The following XYLT1 variants were observed in gnomAD, a reference collection of about 807,000 sequenced individuals.
The protein encoded by XYLT1 is beta-D-xylosyltransferase 1.
XYLT1 carries 36 observed loss-of-function variants against 91.3 expected under a neutral mutation model. That is an observed-to-expected ratio of 0.39 (90% CI 0.30 to 0.52). The LOEUF is 0.52. XYLT1 is among the 20% of genes least tolerant of loss of function. XYLT1 has a pLI of 0.68. For missense variants in XYLT1, 1,242 were observed against 1,284.5 expected (o/e 0.97, Z 0.51); for synonymous variants, 588 against 532.0 (o/e 1.11, Z -1.45).
intron 2 of XYLT1, among the ~76,000 whole-genome samples, chr16:17,328,548 C>CAAA (rs71373105): frequency 0.073 from 3,665 of 50,534 alleles, 743 homozygotes; most frequent in East Asian, 0.1. Flanking sequence ...GACTCCTTCT[C>CAAA]AAAAAAAAAA....
chr16:17,249,459 A>T (rs1399652998), intron 3 of XYLT1, among the ~76,000 whole-genome samples: 7 of 152,208 alleles, frequency 4.6e-5, no homozygotes, highest in Admixed American at 1.3e-4. Context: ...GGCCCCTGGC[A>T]AGTCTTTCCC....
chr16:17,380,270 A>T (rs1224774267), intron 1 of XYLT1, among the ~76,000 whole-genome samples: 1 of 152,232 alleles, frequency 6.6e-6, no homozygotes, highest in Admixed American at 6.5e-5. Context: ...CCTGGGCGAC[A>T]GACCCAGAAT....
At chr16:17,397,339 A>C (rs1242313869) in intron 1 of XYLT1, among the ~76,000 whole-genome samples, 2 of 152,214 alleles carry the variant, frequency 1.3e-5, no homozygotes, top group Non-Finnish European at 2.9e-5. Flanking sequence ...ATGGGCCCAG[A>C]AACAGTCTGC....
intron 3 of XYLT1, among the ~76,000 whole-genome samples, chr16:17,235,372 C>G (rs1187073067): frequency 6.9e-6 from 1 of 144,002 alleles, no homozygotes; most frequent in Non-Finnish European, 1.5e-5. Context: ...GCTGGGTGAG[C>G]TCTTCTCTCC....
In XYLT1 at chr16:17,138,196, A is replaced by G. The variant is rs1007226997; in HGVS notation, c.1764+159T>C. 48 of 824,420 alleles carry G rather than the reference A, an allele frequency of 5.8e-5. No individual in the cohort carries two copies. The African/African-American group carries it at 5.9e-4, about 10-fold the overall frequency. 51.1% of individuals were successfully genotyped at this position (824,420 alleles called of 1,614,324 possible). A position where few individuals can be genotyped will look rare whatever the true frequency, so the allele number is the denominator to read the frequency against. On this transcript the variant is annotated intron_variant, in intron 8 of 11. Coordinates refer to ENST00000261381, the MANE Select transcript of XYLT1 (RefSeq NM_022166.4). ...CATCCCTGAAGTAAGTGCTCAATAA[A>G]CACTGGCTATTGTTGATACTGTTAA...
chr16:17,152,979 C>T (rs916086941), intron 6 of XYLT1, among the ~76,000 whole-genome samples: 13 of 152,056 alleles, frequency 8.5e-5, no homozygotes, highest in Admixed American at 6.6e-4. Flanking sequence ...TTATAAAGGG[C>T]CCAAAAGAAT....
intron 1 of XYLT1, among the ~76,000 whole-genome samples, chr16:17,404,205 C>A (rs193217460): frequency 7.4e-4 from 113 of 152,272 alleles, no homozygotes; most frequent in African/African-American, 2.1e-3. Flanking sequence ...TGGGACACAG[C>A]GAGCTGAGCA....
chr16:17,127,424 A>G (rs574196958), intron 10 of XYLT1, among the ~76,000 whole-genome samples: 368 of 152,292 alleles, frequency 2.4e-3, no homozygotes, highest in Non-Finnish European at 4.5e-3. Context: ...AATTCAGAGG[A>G]GCAGAAATTC....
intron 5 of XYLT1, chr16:17,193,795 T>C (rs1264748928): frequency 2.0e-5 from 3 of 152,216 alleles, no homozygotes; most frequent in African/African-American, 7.2e-5. Context: ...GATGAAACCA[T>C]TCATCTGCAA....
chr16:17,305,876 C>T (rs1383553596), intron 2 of XYLT1, among the ~76,000 whole-genome samples: 1 of 152,070 alleles, frequency 6.6e-6, no homozygotes, highest in Non-Finnish European at 1.5e-5. Flanking sequence ...CCCCTGACAC[C>T]GCCGTGGTGG....
intron 2 of XYLT1, among the ~76,000 whole-genome samples, chr16:17,266,037 A>G (rs2033798444): frequency 6.6e-6 from 1 of 152,224 alleles, no homozygotes; most frequent in Admixed American, 6.5e-5. Context: ...ACTTCAGCTC[A>G]TTAAAACAAT....
chr16:17,139,411 T>C (rs2030893938), intron 7 of XYLT1, among the ~76,000 whole-genome samples: 1 of 152,078 alleles, frequency 6.6e-6, no homozygotes, highest in African/African-American at 2.4e-5. Context: ...CTGGAGTATA[T>C]GTGCTTGTGT....
intron 1 of XYLT1, among the ~76,000 whole-genome samples, chr16:17,382,464 G>T (rs72781583): frequency 0.31 from 46,563 of 151,766 alleles, 7,806 homozygotes; most frequent in Non-Finnish European, 0.38. Flanking sequence ...TTCTATTTAA[G>T]ATTACTGAAT....
intron 10 of XYLT1, among the ~76,000 whole-genome samples, chr16:17,118,637 C>T (rs11075339): frequency 6.6e-6 from 1 of 151,858 alleles, no homozygotes; most frequent in African/African-American, 2.4e-5. Context: ...CAGCTGTGAC[C>T]CACAGCAATC....
chr16:17,211,140 T>C (rs2032749307), intron 3 of XYLT1, among the ~76,000 whole-genome samples: 3 of 152,136 alleles, frequency 2.0e-5, no homozygotes, highest in Admixed American at 2.0e-4. Context: ...AAGAATAATA[T>C]GGCAGGTGGA....
intron 2 of XYLT1, among the ~76,000 whole-genome samples, chr16:17,272,909 T>A (rs1419293997): frequency 6.6e-6 from 1 of 152,272 alleles, no homozygotes; most frequent in South Asian, 2.1e-4. Context: ...GGTGGCATTG[T>A]CCCTAATGAG....
At chr16:17,127,574 C>CCAT in intron 10 of XYLT1, 92 bp downstream of exon 10, 1 of 1,442,750 alleles carries the variant, frequency 6.9e-7, no homozygotes, top group Non-Finnish European at 9.4e-7. Context: ...CTCTTCTCCT[C>CCAT]CATCTCCAAC....
chr16:17,155,483 C>CA (rs1253308036), intron 6 of XYLT1, among the ~76,000 whole-genome samples: 1 of 152,098 alleles, frequency 6.6e-6, no homozygotes, highest in Non-Finnish European at 1.5e-5. Flanking sequence ...CATTTCCCAC[C>CA]AAAAGAGTTC....
At position 17,132,661 on chromosome 16, in the gene XYLT1, G is replaced by C. The variant is rs117539822; in HGVS notation, c.2027+1812C>G. Among the ~76,000 whole-genome samples the C allele has an allele frequency of 3.0e-3, 451 of 152,310 alleles. 1 individual carries two copies. Among genetic ancestry groups the C allele is most frequent in the Non-Finnish European group, 4.6e-3 (314 of 68,024 alleles). On this transcript the variant is annotated intron_variant, in intron 9 of 11. Coordinates refer to ENST00000261381, the MANE Select transcript of XYLT1 (RefSeq NM_022166.4). Reference sequence around the variant, plus strand: ...CTCATGCCTGTAATCTCAGCACTTAGGGAGGCTGAAGCGGGAGGATTGCCT... The same window carrying C: ...CTCATGCCTGTAATCTCAGCACTTACGGAGGCTGAAGCGGGAGGATTGCCT...
Sources: gnomAD v4.1 joint callset for allele counts (sites outside exome capture counted in the v4.1 genomes callset) on GRCh38, gnomAD v4.1.1 for gene constraint, MANE v1.5 for transcripts, NCBI Gene and HGNC (gene_info 2026-07-23, HGNC 2026-07-21) for gene names.